TBC1D19: variants seen among roughly 807,000 people sequenced by gnomAD.
TBC1D19 encodes the protein TBC1 domain family, member 19.
Under a neutral mutation model 89.0 loss-of-function variants are expected in TBC1D19, and 60 were observed. The ratio of observed to expected loss-of-function variants is 0.67; its 90% confidence interval spans 0.55 to 0.84. The LOEUF (loss-of-function observed/expected upper bound fraction) is 0.84. TBC1D19 is among the 40% of genes least tolerant of loss of function. The probability of loss-of-function intolerance (pLI) is 0.00; values close to 1 mark genes in which losing one functional copy is unlikely to be tolerated. For missense variants in TBC1D19, 500 were observed against 610.8 expected (o/e 0.82, Z 1.91); for synonymous variants, 189 against 199.7 (o/e 0.95, Z 0.45).
intron 13 of TBC1D19, 79 bp downstream of exon 13, chr4:26,688,486 G>A: frequency 7.5e-7 from 1 of 1,341,176 alleles, no homozygotes; most frequent in South Asian, 1.6e-5. Flanking sequence ...TATCTCTGCT[G>A]TTGACTAAAT....
At chr4:26,826,156 C>T in the TBC1D19 span, among the ~76,000 whole-genome samples, 48 of 152,194 alleles carry the variant, frequency 3.2e-4, no homozygotes, top group African/African-American at 1.1e-3. Context: ...GAGCTGAGAT[C>T]GTGCCATTGC....
chr4:26,838,625 A>G, the TBC1D19 span, among the ~76,000 whole-genome samples: 1 of 152,234 alleles, frequency 6.6e-6, no homozygotes, highest in African/African-American at 2.4e-5. Flanking sequence ...CATTCAAAAC[A>G]GTTGGTGAGA....
chr4:26,628,411 C>T (rs1742574513), intron 4 of TBC1D19, among the ~76,000 whole-genome samples: 1 of 152,040 alleles, frequency 6.6e-6, no homozygotes, highest in Non-Finnish European at 1.5e-5. Flanking sequence ...TAGTTTTTTC[C>T]AGTTCTGTGA....
At chr4:26,857,848 G>A in the TBC1D19 span, 1 of 152,442 alleles carries the variant, frequency 6.6e-6, no homozygotes, top group African/African-American at 2.4e-5. Flanking sequence ...CTCTGGGATG[G>A]GGAGGAGCCG....
At chr4:26,666,557 A>T (rs1310644714) in intron 9 of TBC1D19, 152 bp downstream of exon 9, 2 of 544,316 alleles carry the variant, frequency 3.7e-6, no homozygotes, top group African/African-American at 1.9e-5. Context: ...TATTGAATAG[A>T]ATCCTGTATG....
At chr4:26,779,342 G>A in the TBC1D19 span, among the ~76,000 whole-genome samples, 4 of 152,212 alleles carry the variant, frequency 2.6e-5, no homozygotes, top group South Asian at 4.1e-4. Flanking sequence ...TGGAGGTGCT[G>A]CAGGCTCTTA....
chr4:26,604,872 A>G (rs1242342644), intron 1 of TBC1D19, among the ~76,000 whole-genome samples: 5 of 124,662 alleles, frequency 4.0e-5, no homozygotes, highest in Non-Finnish European at 1.7e-5. Flanking sequence ...CGACAGAGCG[A>G]GAATCCATCT....
chr4:26,618,610 G>A (rs1040261154), intron 3 of TBC1D19, among the ~76,000 whole-genome samples: 1 of 152,120 alleles, frequency 6.6e-6, no homozygotes, highest in African/African-American at 2.4e-5. Flanking sequence ...AAGTAAAATA[G>A]TAACATGATC....
intron 4 of TBC1D19, among the ~76,000 whole-genome samples, chr4:26,624,570 A>G (rs1742269824): frequency 6.6e-6 from 1 of 152,150 alleles, no homozygotes; most frequent in Non-Finnish European, 1.5e-5. Context: ...TGAAAGAAGT[A>G]ACAGTTTAAA....
At chr4:26,636,922 A>G (rs1301359229) in intron 4 of TBC1D19, among the ~76,000 whole-genome samples, 5 of 152,148 alleles carry the variant, frequency 3.3e-5, no homozygotes, top group African/African-American at 4.8e-5. Flanking sequence ...GTTTATTACC[A>G]TATGACTTCT....
At position 26,688,955 on chromosome 4, in the gene TBC1D19, G is replaced by A. The variant is rs554420632; in HGVS notation, c.954+548G>A. On this transcript the variant is annotated intron_variant, in intron 13 of 20. Transcript: ENST00000264866. ...ATGATGTTCTTTTTTAAAAAGATAT[G>A]TACATATTAATAATTTGATTTTGAA... Among the ~76,000 whole-genome samples the A allele has an allele frequency of 1.6e-4, 24 of 151,940 alleles. No homozygotes were observed. In the South Asian group the frequency reaches 4.8e-3, roughly 30 times the overall value.
intron 15 of TBC1D19, among the ~76,000 whole-genome samples, chr4:26,730,459 T>C (rs902670074): frequency 1.3e-5 from 2 of 152,210 alleles, no homozygotes; most frequent in African/African-American, 4.8e-5. Context: ...TCCCACTTGA[T>C]TGTTGAAGGC....
chr4:26,577,282 CGTG>C (rs1560390810), intron 1 of TBC1D19, among the ~76,000 whole-genome samples: 3 of 149,436 alleles, frequency 2.0e-5, no homozygotes, highest in South Asian at 2.1e-4. Context: ...TCTTCTCTCT[CGTG>C]TGTGTGTGTG....
intron 7 of TBC1D19, among the ~76,000 whole-genome samples, chr4:26,649,711 C>CTT (rs879521883): frequency 6.9e-6 from 1 of 145,364 alleles, no homozygotes; most frequent in South Asian, 2.2e-4. Context: ...AACGTTCTAA[C>CTT]TTTTTTTTTT....
the TBC1D19 span, among the ~76,000 whole-genome samples, chr4:26,776,471 C>T: frequency 6.6e-6 from 1 of 152,140 alleles, no homozygotes; most frequent in Non-Finnish European, 1.5e-5. Context: ...TGCACTATGT[C>T]TACATTGTCA....
the TBC1D19 span, among the ~76,000 whole-genome samples, chr4:26,855,571 T>C: frequency 6.6e-6 from 1 of 152,216 alleles, no homozygotes; most frequent in South Asian, 2.1e-4. Flanking sequence ...TATGGCCATT[T>C]TTTTTATACA....
chr4:26,847,872 G>A, the TBC1D19 span, among the ~76,000 whole-genome samples: 1 of 152,312 alleles, frequency 6.6e-6, no homozygotes, highest in Non-Finnish European at 1.5e-5. Flanking sequence ...ACGTGAAGAA[G>A]GACAGAGCAG....
chr4:26,675,309 G>A (rs556358057), intron 11 of TBC1D19, among the ~76,000 whole-genome samples: 1 of 151,942 alleles, frequency 6.6e-6, no homozygotes, highest in African/African-American at 2.4e-5. Context: ...ATAACCCCAC[G>A]TAATAATAAA....
rs1741983182 is a variant in TBC1D19 at position 26,620,639 on chromosome 4, C to T, written c.245C>T (p.Ala82Val). The T allele has an allele frequency of 2.5e-6, 4 of 1,613,792 alleles. No homozygotes were observed. Among genetic ancestry groups the T allele is most frequent in the Non-Finnish European group, 3.4e-6 (4 of 1,179,868 alleles). ...TTTCCTTTACCTAGTCATCCTGCTG[C>T]ACCTCCTGAACATCTTAAAGAACCT... ...SVFPLPSHPA[A>V]PPEHLKEPLV... is the part of the protein sequence containing the mutation. Residue 82 changes from alanine (A) to valine (V), a missense_variant, in exon 4 of 21, where the codon GCA (alanine) becomes GTA (valine). By Grantham distance (64) the Ala-to-Val change is moderately conservative. This residue lies in a region of TBC1D19 where 280 missense variants were observed against 291.7 expected (regional missense o/e 0.96). Coordinates refer to ENST00000264866, the MANE Select transcript of TBC1D19 (RefSeq NM_018317.4).
Sources: gnomAD v4.1 joint callset for allele counts (sites outside exome capture counted in the v4.1 genomes callset) on GRCh38, gnomAD v4.1.1 for gene constraint, gnomAD v4.1.1 regional missense constraint, MANE v1.5 for transcripts, NCBI Gene and HGNC (gene_info 2026-07-23, HGNC 2026-07-21) for gene names.